Variants in ANKIB1 observed in about 807,000 individuals in gnomAD.
ANKIB1 encodes ankyrin repeat and IBR domain-containing protein 1.
ANKIB1 carries 43 observed loss-of-function variants against 122.1 expected under a neutral mutation model. That is an observed-to-expected ratio of 0.35 (90% CI 0.28 to 0.45). The LOEUF (loss-of-function observed/expected upper bound fraction) is 0.45. Among genes scored for constraint, ANKIB1 ranks in the 20% least tolerant of loss-of-function variants. The pLI, the probability that ANKIB1 is intolerant of heterozygous loss-of-function variation, is 1.00. For synonymous variants in ANKIB1, 390 were observed against 442.0 expected (o/e 0.88, Z 1.48); for missense variants, 992 against 1,329.5 (o/e 0.75, Z 3.95).
At chr7:92,264,702 G>A (rs1167286441) in intron 1 of ANKIB1, among the ~76,000 whole-genome samples, 2 of 152,032 alleles carry the variant, frequency 1.3e-5, no homozygotes, top group African/African-American at 2.4e-5. Context: ...ATAAGCCACT[G>A]TGCCCAGCCT....
chr7:92,302,115 G>A (rs1802469636), intron 2 of ANKIB1, among the ~76,000 whole-genome samples: 1 of 151,894 alleles, frequency 6.6e-6, no homozygotes, highest in South Asian at 2.1e-4. Flanking sequence ...TGTATTTTTA[G>A]TAGAGATGTA....
At chr7:92,365,578 A>AGTAGGAGAG (rs986950188) in intron 10 of ANKIB1, among the ~76,000 whole-genome samples, 14 of 152,028 alleles carry the variant, frequency 9.2e-5, no homozygotes, top group Admixed American at 2.0e-4. Context: ...AGGGGTTTTA[A>AGTAGGAGAG]GTAGGAGAGT....
chr7:92,247,455 CATTA>C (rs1801169300), intron 1 of ANKIB1, among the ~76,000 whole-genome samples: 1 of 152,210 alleles, frequency 6.6e-6, no homozygotes, highest in Non-Finnish European at 1.5e-5. Flanking sequence ...TATTTTCAAT[CATTA>C]ATTCCAGAGA....
In ANKIB1 at chr7:92,398,899, C is replaced by A; in HGVS notation, c.3220C>A (p.Gln1074Lys). ...AGGAGATGGTTCAGATGTTTCAAGT[C>A]AAACACCTCAAACCTCAAGTGACTG... Reference protein sequence around the residue: ...NRGDGSDVSSQTPQTSSDWLE... With the variant: ...NRGDGSDVSSKTPQTSSDWLE... Residue 1074 changes from glutamine (Q) to lysine (K), a missense_variant, in exon 20 of 20, where the codon CAA becomes AAA. Gln to Lys is a moderately conservative substitution (Grantham distance 53, BLOSUM62 1). Coordinates refer to ENST00000265742, the MANE Select transcript of ANKIB1 (RefSeq NM_019004.2). 1 of 1,601,718 alleles carries A rather than the reference C, an allele frequency of 6.2e-7. No individual in the cohort carries two copies. The highest frequency in any genetic ancestry group is 8.5e-7 in the Non-Finnish European group (1 of 1,173,874).
chr7:92,347,887 A>C (rs1803574283), intron 7 of ANKIB1: 4 of 334,994 alleles, frequency 1.2e-5, no homozygotes, highest in South Asian at 9.5e-5. Flanking sequence ...AAAGTGCTTA[A>C]AACAGGATCT....
intron 10 of ANKIB1, among the ~76,000 whole-genome samples, chr7:92,365,410 A>G (rs984220015): frequency 1.1e-4 from 16 of 152,226 alleles, no homozygotes; most frequent in Admixed American, 7.9e-4. Flanking sequence ...GTGAAGTGGC[A>G]ATATGAAGTA....
intron 1 of ANKIB1, among the ~76,000 whole-genome samples, chr7:92,290,748 C>A (rs1182028303): frequency 6.6e-6 from 1 of 152,026 alleles, no homozygotes; most frequent in East Asian, 1.9e-4. Flanking sequence ...ATTAACCTAT[C>A]AATGGTGCAG....
At chr7:92,357,732 CAAAA>C (rs961949515) in intron 9 of ANKIB1, among the ~76,000 whole-genome samples, 3 of 75,046 alleles carry the variant, frequency 4.0e-5, no homozygotes, top group South Asian at 4.0e-4. Flanking sequence ...AAGACTCTCT[CAAAA>C]AAAAAAAAAA....
rs1162113763 is a variant in ANKIB1, at chr7:92,309,942, AATAT to A, written c.486+2304_486+2307del. On this transcript the variant is annotated intron_variant, in intron 3 of 19. Coordinates refer to ENST00000265742, the MANE Select transcript of ANKIB1 (RefSeq NM_019004.2). The stretch of plus-strand genomic sequence containing the variant: ...TCCATCTAAAAAAAAAAAAAAAAAA[AATAT>A]ATATATATATATATATAAATTAAAT... Among the ~76,000 whole-genome samples, 60 of 91,788 alleles carry A rather than the reference AATAT, an allele frequency of 6.5e-4. 1 individual carries two copies. Among genetic ancestry groups the A allele is most frequent in the South Asian group, 1.5e-3 (4 of 2,636 alleles). The allele number at this position is 91,788 out of a possible 152,430, so 60.2% of individuals were successfully genotyped here.
intron 7 of ANKIB1, among the ~76,000 whole-genome samples, chr7:92,345,654 G>A (rs1221103676): frequency 6.6e-6 from 1 of 151,980 alleles, no homozygotes; most frequent in Admixed American, 6.6e-5. Flanking sequence ...TGCACTTTTC[G>A]AGAGAAGTTT....
At chr7:92,383,473 A>T (rs543396863) in intron 11 of ANKIB1, among the ~76,000 whole-genome samples, 3 of 152,358 alleles carry the variant, frequency 2.0e-5, no homozygotes, top group Non-Finnish European at 2.9e-5. Flanking sequence ...CCTGATGAAC[A>T]TTGATGCAAA....
chr7:92,292,762 T>C (rs954446968), intron 1 of ANKIB1, among the ~76,000 whole-genome samples: 1 of 152,232 alleles, frequency 6.6e-6, no homozygotes, highest in African/African-American at 2.4e-5. Context: ...CCAATTAATA[T>C]ATACATGTTT....
chr7:92,298,130 C>A (rs1378182760), intron 2 of ANKIB1, among the ~76,000 whole-genome samples: 2 of 152,062 alleles, frequency 1.3e-5, no homozygotes, highest in East Asian at 1.9e-4. Context: ...TTACTAAACT[C>A]ATCTCTACTA....
intron 7 of ANKIB1, among the ~76,000 whole-genome samples, chr7:92,347,136 T>C (rs1803557545): frequency 1.3e-5 from 2 of 152,240 alleles, no homozygotes; most frequent in African/African-American, 4.8e-5. Context: ...ATCTATCTTA[T>C]TCTTCCCAAA....
At chr7:92,271,857 C>G (rs1801801420) in intron 1 of ANKIB1, among the ~76,000 whole-genome samples, 1 of 151,748 alleles carries the variant, frequency 6.6e-6, no homozygotes, top group African/African-American at 2.4e-5. Context: ...ATTGGAGTTC[C>G]AAAAAAGTAG....
rs1011516560 is a variant in ANKIB1, at chr7:92,338,966, ATATATT to A, written c.788-4052_788-4047del. 3.3e-3 allele frequency among the ~76,000 whole-genome samples: 309 copies of A among 93,264 alleles called. 1 individual carries two copies. The highest frequency in any genetic ancestry group is 5.2e-3 in the Middle Eastern group (1 of 192). 61.2% of individuals were successfully genotyped at this position (93,264 alleles called of 152,430 possible). ...TATATATATATATATATATATATAT[ATATATT>A]TATATGAATCTTCCTTTTTTCTTTA... On this transcript the variant is annotated intron_variant, in intron 5 of 19. Coordinates refer to ENST00000265742, the MANE Select transcript of ANKIB1 (RefSeq NM_019004.2).
At position 92,321,442 on chromosome 7, in the gene ANKIB1, T is replaced by G. The variant is rs190597635; in HGVS notation, c.669+1930T>G. On this transcript the variant is annotated intron_variant, in intron 4 of 19. Coordinates refer to ENST00000265742, the MANE Select transcript of ANKIB1 (RefSeq NM_019004.2). ...AATTATTTTATGTATTTTGTTTACTTGTTTATTGCCTTTCTCTCCTATTAG... is the reference window on the plus strand; with the variant it reads ...AATTATTTTATGTATTTTGTTTACTGGTTTATTGCCTTTCTCTCCTATTAG... Among the ~76,000 whole-genome samples, 6 of 152,346 alleles carry G rather than the reference T, an allele frequency of 3.9e-5. No individual in the cohort carries two copies. In the East Asian group the frequency reaches 1.2e-3, roughly 29 times the overall value.
At position 92,295,011 on chromosome 7, in the gene ANKIB1, A is replaced by C; in HGVS notation, c.33A>C (p.Ala11=). The C allele has an allele frequency of 6.2e-7, 1 of 1,605,482 alleles. No individual in the cohort carries two copies. The highest frequency in any genetic ancestry group is 8.5e-7 in the Non-Finnish European group (1 of 1,175,954). Reference sequence around the variant, plus strand: ...ATACAACCACCAAATTCCGTAAAGCACTCATCAATGGTGATGAAAACCTGG... The same window carrying C: ...ATACAACCACCAAATTCCGTAAAGCCCTCATCAATGGTGATGAAAACCTGG... MGNTTTKFRK[A]LINGDENLAC... is the part of the protein sequence containing the mutation. The change falls in exon 2 of 20, where the codon GCA becomes GCC. Residue 11 remains alanine (A), a synonymous_variant. Transcript: ENST00000265742.
At chr7:92,391,052 C>T (rs928947743) in intron 15 of ANKIB1, 114 bp from the exon 16 acceptor site, 13 of 778,734 alleles carry the variant, frequency 1.7e-5, no homozygotes, top group Non-Finnish European at 2.4e-5. Context: ...AAAATTTTAA[C>T]TAGTTTCTTA....
Sources: allele counts gnomAD v4.1 joint callset (sites outside exome capture counted in the v4.1 genomes callset), GRCh38; gene constraint gnomAD v4.1.1; transcripts MANE v1.5; gene names NCBI Gene and HGNC (gene_info 2026-07-23, HGNC 2026-07-21).